The following LFNG variants were observed in gnomAD, a reference collection of about 807,000 sequenced individuals.
LFNG encodes beta-1,3-N-acetylglucosaminyltransferase lunatic fringe.
A neutral mutation model predicts 32.7 loss-of-function variants in LFNG; 15 were observed. The observed-to-expected ratio is 0.46, with a 90% CI of 0.31 to 0.71. The LOEUF (loss-of-function observed/expected upper bound fraction) is 0.71. Among genes scored for constraint, LFNG ranks in the 30% least tolerant of loss-of-function variants. The probability of loss-of-function intolerance (pLI) is 0.06; values close to 1 mark genes in which losing one functional copy is unlikely to be tolerated. For synonymous variants in LFNG, 274 were observed against 246.8 expected, an observed-to-expected ratio of 1.11 and a Z score of -1.03; for missense variants, 520 against 545.7, an observed-to-expected ratio of 0.95 and a Z score of 0.47.
chr7:2,515,513 C>T (rs181551585), upstream of LFNG, among the ~76,000 whole-genome samples: 3 of 152,340 alleles, frequency 2.0e-5, no homozygotes, highest in African/African-American at 2.4e-5. Flanking sequence ...GCCAGGATGC[C>T]CCCCGAAGCC....
chr7:2,524,214 A>C (rs1339845666), intron 1 of LFNG, among the ~76,000 whole-genome samples: 1 of 152,100 alleles, frequency 6.6e-6, no homozygotes. Context: ...CGAGTGATTG[A>C]GACTTGGCTT....
At chr7:2,517,354 C>T (rs1480841702), upstream of LFNG, among the ~76,000 whole-genome samples, 1 of 152,210 alleles carries the variant, frequency 6.6e-6, no homozygotes, top group Non-Finnish European at 1.5e-5. Context: ...GCAGCAGCAT[C>T]AGGTCCCCCA....
Position 2,526,522 on chromosome 7 carries a change from C to A in LFNG, c.987+113C>A. On this transcript the variant is annotated intron_variant, in intron 6 of 7. Coordinates refer to ENST00000222725, the MANE Select transcript of LFNG (RefSeq NM_001040167.2). The surrounding 1 kb of genome is among the most constrained non-coding windows in gnomAD (Gnocchi z 6.9). Reference sequence around the variant, plus strand: ...TGTTCTAAACAGGGAGGCCAGGCAGCACTCCACTGTCAGCCAGGGGGGGTC... The same window carrying A: ...TGTTCTAAACAGGGAGGCCAGGCAGAACTCCACTGTCAGCCAGGGGGGGTC... 1 of 1,193,160 alleles carries A rather than the reference C, an allele frequency of 8.4e-7. No homozygotes were observed. The highest frequency in any genetic ancestry group is 1.2e-6 in the Non-Finnish European group (1 of 831,696). 73.9% of individuals were successfully genotyped at this position (1,193,160 alleles called of 1,614,324 possible). A position where few individuals can be genotyped will look rare whatever the true frequency, so the allele number is the denominator to read the frequency against.
Position 2,520,314 on chromosome 7 carries a change from A to G in LFNG, c.432+21A>G. On this transcript the variant is annotated intron_variant, in intron 1 of 7. Coordinates refer to ENST00000222725, the MANE Select transcript of LFNG (RefSeq NM_001040167.2). This position sits in a 1 kb window ranked among gnomAD's most constrained non-coding sequence, Gnocchi z 5.0. ...AGATGGTGAGCCCCCCGCGGCCTGG[A>G]CTGGCGGGCGAGCGGGGCGGGGACC... 1 of 1,599,042 alleles carries G rather than the reference A, an allele frequency of 6.3e-7. No individual in the cohort carries two copies. The highest frequency in any genetic ancestry group is 8.5e-7 in the Non-Finnish European group (1 of 1,171,888).
chr7:2,521,713 G>T (rs916506847), intron 1 of LFNG, among the ~76,000 whole-genome samples: 2 of 152,224 alleles, frequency 1.3e-5, no homozygotes, highest in African/African-American at 4.8e-5. Context: ...GGAATTTGGG[G>T]CCTTTCTCCA....
At chr7:2,525,385 C>T in intron 3 of LFNG, 29 bp from the exon 4 acceptor site, 1 of 1,612,666 alleles carries the variant, frequency 6.2e-7, no homozygotes, top group South Asian at 1.1e-5. Flanking sequence ...CCGGCATGCC[C>T]TCCCCCGATG....
intron 1 of LFNG, among the ~76,000 whole-genome samples, chr7:2,521,029 C>T (rs1383143163): frequency 1.3e-5 from 2 of 152,010 alleles, no homozygotes; most frequent in Non-Finnish European, 2.9e-5. Flanking sequence ...GGCTTGCAGT[C>T]GGGGACTGGG....
chr7:2,524,805 C>T, intron 2 of LFNG, 62 bp downstream of exon 2: 2 of 1,439,472 alleles, frequency 1.4e-6, no homozygotes, highest in South Asian at 1.2e-5. Flanking sequence ...AACGCTCCCC[C>T]TCCAGTCTCC....
chr7:2,512,752 T>G (rs1779524512), intron 1 of LFNG: 1 of 1,570,270 alleles, frequency 6.4e-7, no homozygotes, highest in African/African-American at 1.4e-5. Flanking sequence ...GAGCCGTCCC[T>G]CTTGCTCGTG....
chr7:2,518,943 G>A (rs547104171), upstream of LFNG, among the ~76,000 whole-genome samples: 12 of 152,238 alleles, frequency 7.9e-5, no homozygotes, highest in South Asian at 2.5e-3. Flanking sequence ...GGGGATGGGG[G>A]CCGTGTGCCG....
chr7:2,516,207 C>G (rs923158362), upstream of LFNG, among the ~76,000 whole-genome samples: 1 of 152,256 alleles, frequency 6.6e-6, no homozygotes, highest in Non-Finnish European at 1.5e-5. Context: ...GAGTTTCCAT[C>G]TCTGGGCACT....
chr7:2,515,123 C>G (rs1444945716), upstream of LFNG, among the ~76,000 whole-genome samples: 1 of 151,734 alleles, frequency 6.6e-6, no homozygotes, highest in African/African-American at 2.4e-5. Flanking sequence ...TCCATCTGCC[C>G]CTCCATCTAA....
exon 1 of LFNG, chr7:2,512,619 T>C: frequency 6.2e-7 from 1 of 1,610,234 alleles, no homozygotes; most frequent in Non-Finnish European, 8.5e-7. Flanking sequence ...CGCAGCTTCC[T>C]CCCTCCCTGG....
At chr7:2,514,285 G>C (rs540633263), upstream of LFNG, among the ~76,000 whole-genome samples, 2 of 152,308 alleles carry the variant, frequency 1.3e-5, no homozygotes, top group East Asian at 3.9e-4. Context: ...CTGTGTATCT[G>C]CACATCCACC....
rs762576174 is a variant in LFNG, at chr7:2,525,570, GAGTGCCTGCCCCTCCC to G, written c.735+7_735+22del. ...AGCGGGTCAGCGAGAACAAGGTGGT[GAGTGCCTGCCCCTCCC>G]AGTCCCCCACGCCCACGCGGAGCGC... On this transcript the variant is annotated splice_donor_5th_base_variant and intron_variant, in intron 4 of 7. Coordinates refer to ENST00000222725, the MANE Select transcript of LFNG (RefSeq NM_001040167.2). 1 of 1,612,086 alleles carries G rather than the reference GAGTGCCTGCCCCTCCC, an allele frequency of 6.2e-7. No individual in the cohort carries two copies. Among genetic ancestry groups the G allele is most frequent in the Non-Finnish European group, 8.5e-7 (1 of 1,179,758 alleles).
rs1052189401 is a variant in LFNG, at chr7:2,526,721, G to A, written c.988-115G>A. 3.1e-6 allele frequency: 3 copies of A among 973,936 alleles called. No individual in the cohort carries two copies. The highest frequency in any genetic ancestry group is 2.6e-5 in the East Asian group (1 of 39,074). 60.3% of individuals were successfully genotyped at this position (973,936 alleles called of 1,614,324 possible). A position where few individuals can be genotyped will look rare whatever the true frequency, so the allele number is the denominator to read the frequency against. On this transcript the variant is annotated intron_variant, in intron 6 of 7. Coordinates refer to ENST00000222725, the MANE Select transcript of LFNG (RefSeq NM_001040167.2). The surrounding 1 kb of genome is among the most constrained non-coding windows in gnomAD (Gnocchi z 6.9). Reference sequence around the variant, plus strand: ...GGTGTGCAGGGCAGGTGTCCTTCCAGGTCCAAGGGAGGCCAGGGCAGGGCC... The same window carrying A: ...GGTGTGCAGGGCAGGTGTCCTTCCAAGTCCAAGGGAGGCCAGGGCAGGGCC...
At position 2,524,713 on chromosome 7, in the gene LFNG, G is replaced by A. The variant is rs141931227; in HGVS notation, c.451G>A (p.Gly151Arg). ...CTTCCAGACGTTCATCTTCACTGAC[G>A]GGGAAGATGAGGCCCTGGCCAGGCA... ...HKEMTFIFTD[G>R]EDEALARHTG... is the part of the protein sequence containing the mutation. The change falls in exon 2 of 8, where the codon GGG (glycine) becomes AGG (arginine). Residue 151 changes from glycine to arginine, a missense_variant. Physicochemically the swap from Gly to Arg is moderately radical, Grantham distance 125. Around this residue, in one of 3 missense-constraint regions of LFNG, gnomAD observed 360 missense variants for 354.7 expected, o/e 1.01. Coordinates refer to ENST00000222725, the MANE Select transcript of LFNG (RefSeq NM_001040167.2). 12 of 1,589,536 alleles carry A rather than the reference G, an allele frequency of 7.5e-6. No homozygotes were observed. The highest frequency in any genetic ancestry group is 1.7e-4 in the Middle Eastern group (1 of 6,052).
downstream of LFNG, chr7:2,528,727 C>A: frequency 1.7e-6 from 1 of 571,652 alleles, no homozygotes. Context: ...AAAAGCACAA[C>A]CCCAAGGCTC....
At chr7:2,517,068 T>A (rs1779644222), upstream of LFNG, among the ~76,000 whole-genome samples, 1 of 152,014 alleles carries the variant, frequency 6.6e-6, no homozygotes, top group African/African-American at 2.4e-5. Flanking sequence ...CTGAGCACCA[T>A]CCCACAGCCC....
Sources: allele counts gnomAD v4.1 joint callset (sites outside exome capture counted in the v4.1 genomes callset), GRCh38; gene constraint gnomAD v4.1.1; regional missense constraint gnomAD v4.1.1; non-coding constraint Gnocchi (gnomAD v3.1); transcripts MANE v1.5; gene names NCBI Gene and HGNC (gene_info 2026-07-23, HGNC 2026-07-21).